The following PPP2R2C variants were observed in gnomAD, a reference collection of about 807,000 sequenced individuals.
PPP2R2C encodes the protein protein phosphatase 2 regulatory subunit Bgamma.
Under a neutral mutation model 45.3 loss-of-function variants are expected in PPP2R2C, and 10 were observed. The ratio of observed to expected loss-of-function variants is 0.22; its 90% CI spans 0.14 to 0.37. PPP2R2C has a LOEUF of 0.37. Ranked by LOEUF, PPP2R2C falls within the 10% of genes least tolerant of loss-of-function variation. PPP2R2C has a pLI of 1.00. For missense variants in PPP2R2C, 308 were observed against 619.7 expected (o/e 0.50, Z 5.34); for synonymous variants, 257 against 245.4 (o/e 1.05, Z -0.44).
upstream of PPP2R2C, among the ~76,000 whole-genome samples, chr4:6,474,818 G>A (rs919916812): frequency 3.0e-4 from 32 of 106,048 alleles, no homozygotes; most frequent in Admixed American, 2.8e-3. Flanking sequence ...CAGCACAACC[G>A]AGGACTCTCC....
intron 1 of PPP2R2C, chr4:6,384,111 C>A (rs1461601772): frequency 4.1e-6 from 4 of 985,256 alleles, no homozygotes; most frequent in Non-Finnish European, 4.8e-6. Context: ...TCCCAGCTGT[C>A]CTGACATTGT....
intron 6 of PPP2R2C, among the ~76,000 whole-genome samples, chr4:6,340,883 T>G (rs4689409): frequency 2.0e-5 from 3 of 152,266 alleles, no homozygotes; most frequent in Non-Finnish European, 4.4e-5. Context: ...CTCCAGCCTC[T>G]GTATCCAGCC....
chr4:6,327,165 G>T (rs901769379), intron 8 of PPP2R2C, among the ~76,000 whole-genome samples: 1 of 152,162 alleles, frequency 6.6e-6, no homozygotes, highest in African/African-American at 2.4e-5. Context: ...CCCCAGTGAA[G>T]GGCTCAGAAC....
intron 1 of PPP2R2C, 106 bp downstream of exon 1, chr4:6,472,054 G>A: frequency 7.2e-7 from 1 of 1,380,698 alleles, no homozygotes. Context: ...GTGGGGCGGG[G>A]GGACACGACA....
intron 2 of PPP2R2C, among the ~76,000 whole-genome samples, chr4:6,493,593 C>A (rs185207591): frequency 6.6e-6 from 1 of 151,028 alleles, no homozygotes; most frequent in African/African-American, 2.4e-5. Context: ...CATACTAGAT[C>A]GATCTAGTGC....
intron 1 of PPP2R2C, among the ~76,000 whole-genome samples, chr4:6,458,935 C>T (rs777835262): frequency 3.9e-5 from 6 of 152,096 alleles, no homozygotes; most frequent in South Asian, 2.1e-4. Context: ...AGGAAGTTAC[C>T]GGAAGGCTCT....
At chr4:6,483,141 A>T (rs762256214) in intron 2 of PPP2R2C, among the ~76,000 whole-genome samples, 23 of 88,318 alleles carry the variant, frequency 2.6e-4, no homozygotes, top group African/African-American at 7.8e-4. Context: ...ATAGATAGAT[A>T]GATTGATTGA....
chr4:6,493,197 C>G (rs930409428), intron 2 of PPP2R2C, among the ~76,000 whole-genome samples: 1 of 152,108 alleles, frequency 6.6e-6, no homozygotes, highest in Admixed American at 6.6e-5. Context: ...GCAACCAGCA[C>G]GCCTGCCATC....
chr4:6,449,538 G>A (rs1720625843), intron 1 of PPP2R2C, among the ~76,000 whole-genome samples: 1 of 152,220 alleles, frequency 6.6e-6, no homozygotes, highest in Non-Finnish European at 1.5e-5. Flanking sequence ...GCCGCCGCCT[G>A]GCCCCTGTCG....
chr4:6,359,230 C>A (rs1713509870), intron 5 of PPP2R2C, among the ~76,000 whole-genome samples: 1 of 152,198 alleles, frequency 6.6e-6, no homozygotes, highest in Non-Finnish European at 1.5e-5. Flanking sequence ...TAATTCTGAG[C>A]AAACTATTCC....
chr4:6,534,251 A>T (rs1323812222), intron 2 of PPP2R2C, among the ~76,000 whole-genome samples: 2 of 150,090 alleles, frequency 1.3e-5, no homozygotes, highest in African/African-American at 2.5e-5. Context: ...ACATACACAC[A>T]CAGTAAGCAC....
At chr4:6,375,615 G>A (rs1715235189) in intron 4 of PPP2R2C, among the ~76,000 whole-genome samples, 1 of 152,218 alleles carries the variant, frequency 6.6e-6, no homozygotes, top group African/African-American at 2.4e-5. Context: ...CTCACAAGAA[G>A]CCTAGAAGAA....
intron 1 of PPP2R2C, among the ~76,000 whole-genome samples, chr4:6,438,590 T>C (rs1720004099): frequency 6.6e-6 from 1 of 152,258 alleles, no homozygotes; most frequent in African/African-American, 2.4e-5. Flanking sequence ...TAATATGTTT[T>C]TCTTTCATTG....
intron 2 of PPP2R2C, among the ~76,000 whole-genome samples, chr4:6,490,655 G>T (rs922114947): frequency 1.3e-5 from 2 of 152,176 alleles, no homozygotes; most frequent in Non-Finnish European, 2.9e-5. Context: ...AGAGTGAGGT[G>T]GGGAGGAAGA....
rs562882553 is a variant in PPP2R2C, at chr4:6,469,026, A to G, written c.70+3134T>C. 2.2e-5 allele frequency among the ~76,000 whole-genome samples: 3 copies of G among 138,302 alleles called. No homozygotes were observed. The East Asian group carries it at 6.5e-4, about 30-fold the overall frequency. 90.7% of individuals were successfully genotyped at this position (138,302 alleles called of 152,430 possible). On this transcript the variant is annotated intron_variant, in intron 1 of 8. Transcript: ENST00000382599. Reference sequence around the variant, plus strand: ...GCAGGTACACCTAATCATCACCATAACCCTCAATGCAGTTGAGCCCAGCCA... The same window carrying G: ...GCAGGTACACCTAATCATCACCATAGCCCTCAATGCAGTTGAGCCCAGCCA...
chr4:6,562,962 C>CAAA (rs746793663), intron 1 of PPP2R2C, among the ~76,000 whole-genome samples: 4 of 83,262 alleles, frequency 4.8e-5, no homozygotes, highest in African/African-American at 1.8e-4. Flanking sequence ...CCCTGCCAGC[C>CAAA]AAAAAAAAAA....
chr4:6,329,393 C>T lies in PPP2R2C; in HGVS notation c.961-40G>A, dbSNP rs369982524. The stretch of plus-strand genomic sequence containing the variant: ...GATGAGGTGAGTGGACGGGGCGTCC[C>T]GACCATCCTGGCCCTTCCACAAGAA... On this transcript the variant is annotated intron_variant, in intron 7 of 8. Coordinates refer to ENST00000382599, the MANE Select transcript of PPP2R2C (RefSeq NM_020416.4). This position sits in a 1 kb window ranked among gnomAD's most constrained non-coding sequence, Gnocchi z 5.8. 118 of 1,556,892 alleles carry T rather than the reference C, an allele frequency of 7.6e-5. No homozygotes were observed. The highest frequency in any genetic ancestry group is 5.6e-4 in the African/African-American group (41 of 73,830).
At chr4:6,394,359 C>T (rs138661090) in intron 1 of PPP2R2C, among the ~76,000 whole-genome samples, 88 of 152,316 alleles carry the variant, frequency 5.8e-4, no homozygotes, top group African/African-American at 1.6e-3. Flanking sequence ...GTGTCTGGCA[C>T]CAAGAAACTG....
In PPP2R2C at chr4:6,472,385, C is replaced by T. The variant is rs1204048377; in HGVS notation, c.-156G>A. 3.9e-6 allele frequency: 2 copies of T among 508,756 alleles called. No individual in the cohort carries two copies. Among genetic ancestry groups the T allele is most frequent in the Non-Finnish European group, 5.0e-6 (2 of 400,760 alleles). The allele number at this position is 508,756 out of a possible 1,614,324, so 31.5% of individuals were successfully genotyped here. On this transcript the variant is annotated 5_prime_UTR_variant, in exon 1 of 9. Coordinates refer to ENST00000382599, the MANE Select transcript of PPP2R2C (RefSeq NM_020416.4). ...GAGGGCATCGCGGCAGGGGGACGGG[C>T]GGGGGCGGCCGGGGGCGGGCGCCGC...
Sources: gnomAD v4.1 joint callset for allele counts (sites outside exome capture counted in the v4.1 genomes callset) on GRCh38, gnomAD v4.1.1 for gene constraint, Gnocchi (gnomAD v3.1) non-coding constraint, MANE v1.5 for transcripts, NCBI Gene and HGNC (gene_info 2026-07-23, HGNC 2026-07-21) for gene names.